Variants in ARL10 observed in about 807,000 individuals in gnomAD.
The protein encoded by ARL10 is ARF like GTPase 10, also known as ADP-ribosylation factor-like protein 10.
Under a neutral mutation model 26.1 loss-of-function variants are expected in ARL10, and 23 were observed. That is an observed-to-expected ratio of 0.88 (90% CI 0.63 to 1.25). The LOEUF (loss-of-function observed/expected upper bound fraction) is 1.25. ARL10 is among the 50% of genes most tolerant of loss of function. The pLI, the probability that ARL10 is intolerant of heterozygous loss-of-function variation, is 0.00. For synonymous variants in ARL10, 138 were observed against 149.1 expected, an observed-to-expected ratio of 0.93 and a Z score of 0.54; for missense variants, 300 against 323.6, an observed-to-expected ratio of 0.93 and a Z score of 0.56.
chr5:176,411,496 C>A, the ARL10 span, among the ~76,000 whole-genome samples: 1 of 152,224 alleles, frequency 6.6e-6, no homozygotes. Flanking sequence ...AAAGGCCTCC[C>A]TGACCACACC....
At chr5:176,388,945 G>A (rs1004551807), downstream of ARL10, 1 of 1,614,198 alleles carries the variant, frequency 6.2e-7, no homozygotes, top group South Asian at 1.1e-5. Flanking sequence ...TCGTTCGCAA[G>A]ACCCGCGAGA....
chr5:176,397,776 C>T lies in ARL10; in HGVS notation c.134-3965C>T, dbSNP rs906741362. ...TCCAGCTGGGATGCACAGGCCCGGCCGCGCTCCTCCCCTGGCCCCTGCCAG... is the reference window on the plus strand; with the variant it reads ...TCCAGCTGGGATGCACAGGCCCGGCTGCGCTCCTCCCCTGGCCCCTGCCAG... On this transcript the variant is annotated intron_variant, in intron 1 of 1. Transcript: ENST00000514533. The T allele has an allele frequency of 3.0e-5, 46 of 1,554,510 alleles. No individual in the cohort carries two copies. In the Admixed American group the frequency reaches 5.0e-4, roughly 17 times the overall value.
At chr5:176,382,449 A>G (rs1169153250), downstream of ARL10, among the ~76,000 whole-genome samples, 4 of 152,180 alleles carry the variant, frequency 2.6e-5, no homozygotes, top group Non-Finnish European at 4.4e-5. Flanking sequence ...AGTGGGTGGC[A>G]GCGAGCATGC....
downstream of ARL10, among the ~76,000 whole-genome samples, chr5:176,390,997 A>G (rs1478520904): frequency 6.6e-6 from 1 of 152,054 alleles, no homozygotes. Context: ...GGATTTGAGG[A>G]CCTGCGCTCT....
At chr5:176,383,879 G>T, downstream of ARL10, 1 of 1,192,060 alleles carries the variant, frequency 8.4e-7, no homozygotes, top group Non-Finnish European at 1.1e-6. Flanking sequence ...CCCCGGTAGA[G>T]GTGGTTTTCA....
downstream of ARL10, among the ~76,000 whole-genome samples, chr5:176,404,747 GT>G (rs960899404): frequency 6.6e-6 from 1 of 152,204 alleles, no homozygotes; most frequent in African/African-American, 2.4e-5. Flanking sequence ...CTCCTGGCAC[GT>G]CCCTTTGTGC....
At chr5:176,403,730 G>A (rs1376452441), downstream of ARL10, among the ~76,000 whole-genome samples, 1 of 151,232 alleles carries the variant, frequency 6.6e-6, no homozygotes, top group Non-Finnish European at 1.5e-5. Context: ...GGGATTACAG[G>A]CGTGAGCCAC....
downstream of ARL10, chr5:176,384,093 T>C: frequency 6.4e-7 from 1 of 1,574,748 alleles, no homozygotes; most frequent in South Asian, 1.1e-5. Context: ...AGTGTGCACG[T>C]GTGTGTGTAA....
At chr5:176,398,006 C>G in intron 1 of ARL10, 4 of 1,614,132 alleles carry the variant, frequency 2.5e-6, no homozygotes, top group Non-Finnish European at 2.5e-6. Flanking sequence ...GCCTGTCAGC[C>G]TGGGCAATGG....
Position 176,376,187 on chromosome 5 carries a change from C to G in ARL10, c.*4292C>G, listed in dbSNP as rs1055218014. ...CAATCCTGGCTAACACAGTGAAACC[C>G]TGTCTCTACTATAAAATACAAAAAA... On this transcript the variant is annotated 3_prime_UTR_variant, in exon 4 of 4. Transcript: ENST00000310389. The G allele has an allele frequency of 1.1e-4, 17 of 152,258 alleles. No individual in the cohort carries two copies. Among genetic ancestry groups the G allele is most frequent in the African/African-American group, 3.6e-4 (15 of 41,536 alleles). The allele number at this position is 152,258 out of a possible 1,614,324, so 9.4% of individuals were successfully genotyped here.
chr5:176,389,090 G>A (rs1756146792), downstream of ARL10: 3 of 1,363,336 alleles, frequency 2.2e-6, no homozygotes, highest in East Asian at 2.3e-5. Context: ...GAGAAGAGAC[G>A]AGGGGGCGGG....
At chr5:176,388,677 CT>C (rs1756102464), downstream of ARL10, 1 of 1,341,492 alleles carries the variant, frequency 7.5e-7, no homozygotes, top group East Asian at 2.3e-5. Context: ...CACTACCGTG[CT>C]GAGCACTACG....
chr5:176,402,074 A>G (rs932311214), downstream of ARL10, among the ~76,000 whole-genome samples: 2 of 152,316 alleles, frequency 1.3e-5, no homozygotes, highest in African/African-American at 4.8e-5. Flanking sequence ...AGGCTGAGGC[A>G]GGCAGATTGC....
intron 1 of ARL10, chr5:176,397,480 C>T: frequency 1.5e-6 from 1 of 656,708 alleles, no homozygotes; most frequent in Non-Finnish European, 2.6e-6. Flanking sequence ...CCTCATGTCC[C>T]CACAGCTCCC....
At chr5:176,400,734 C>T (rs1196146906) in intron 1 of ARL10, among the ~76,000 whole-genome samples, 1 of 152,220 alleles carries the variant, frequency 6.6e-6, no homozygotes, top group Non-Finnish European at 1.5e-5. Flanking sequence ...TCAAAACTTC[C>T]ATGACTGCCC....
downstream of ARL10, chr5:176,392,643 C>T (rs1756306371): frequency 4.7e-6 from 5 of 1,068,424 alleles, no homozygotes; most frequent in Admixed American, 2.3e-5. The surrounding 1 kb of genome is among the most constrained non-coding windows in gnomAD (Gnocchi z 5.2). Flanking sequence ...CCCCTCCCAG[C>T]GCCTGGAGAT....
downstream of ARL10, among the ~76,000 whole-genome samples, chr5:176,391,618 A>T (rs1235338188): frequency 6.6e-6 from 1 of 152,184 alleles, no homozygotes; most frequent in Non-Finnish European, 1.5e-5. Flanking sequence ...TTTGAGAAAA[A>T]AAACAGAAAA....
downstream of ARL10, chr5:176,386,543 T>A: frequency 2.2e-6 from 1 of 448,846 alleles, no homozygotes; most frequent in Non-Finnish European, 4.2e-6. Context: ...CTTAAATTCA[T>A]GAGAAGCCAT....
chr5:176,367,372 T>C (rs1768354889), intron 2 of ARL10, among the ~76,000 whole-genome samples: 1 of 152,112 alleles, frequency 6.6e-6, no homozygotes. Context: ...CAGTGGGCAG[T>C]GGCACACCCT....
Sources: allele counts gnomAD v4.1 joint callset (sites outside exome capture counted in the v4.1 genomes callset), GRCh38; gene constraint gnomAD v4.1.1; non-coding constraint Gnocchi (gnomAD v3.1); transcripts MANE v1.5; gene names NCBI Gene and HGNC (gene_info 2026-07-23, HGNC 2026-07-21).